FIGN: variants seen among roughly 807,000 people sequenced by gnomAD.
The protein encoded by FIGN is fidgetin, microtubule severing factor.
In FIGN, 11 loss-of-function variants were observed where a neutral mutation model predicts 51.3. The observed-to-expected ratio is 0.21, with a 90% CI of 0.13 to 0.35. FIGN has a LOEUF of 0.35. Among genes scored for constraint, FIGN ranks in the 10% least tolerant of loss-of-function variants. The pLI is 1.00. For missense variants in FIGN, 857 were observed against 943.6 expected, an observed-to-expected ratio of 0.91 and a Z score of 1.20; for synonymous variants, 407 against 363.2, an observed-to-expected ratio of 1.12 and a Z score of -1.37.
chr2:163,617,148 C>T (rs1682891872), intron 2 of FIGN: 1 of 985,086 alleles, frequency 1.0e-6, no homozygotes, highest in Admixed American at 6.2e-5. Flanking sequence ...AGCCCATTCC[C>T]CGATCATTCT....
intron 2 of FIGN, among the ~76,000 whole-genome samples, chr2:163,662,752 T>C (rs539264417): frequency 6.6e-6 from 1 of 152,230 alleles, no homozygotes; most frequent in African/African-American, 2.4e-5. Context: ...TCTCCCAGAA[T>C]TCCCCCTGTT....
intron 2 of FIGN, among the ~76,000 whole-genome samples, chr2:163,701,993 TG>T (rs1197767830): frequency 6.6e-6 from 1 of 152,154 alleles, no homozygotes; most frequent in Non-Finnish European, 1.5e-5. Flanking sequence ...CCATCAGTGC[TG>T]GGAAAGTAGC....
chr2:163,646,358 T>C (rs1234113704), intron 2 of FIGN, among the ~76,000 whole-genome samples: 1 of 152,124 alleles, frequency 6.6e-6, no homozygotes, highest in Non-Finnish European at 1.5e-5. Flanking sequence ...AAACAGAGAC[T>C]CTAAACTATA....
chr2:163,730,740 A>G (rs180981941), intron 2 of FIGN, among the ~76,000 whole-genome samples: 7 of 152,292 alleles, frequency 4.6e-5, no homozygotes, highest in Admixed American at 6.5e-5. Context: ...CTCAAGAAAA[A>G]CAGCAGATAT....
intron 2 of FIGN, among the ~76,000 whole-genome samples, chr2:163,727,960 AT>A (rs1234705306): frequency 6.6e-6 from 1 of 152,194 alleles, no homozygotes. Flanking sequence ...TATGACTCTA[AT>A]TTTCAGGGAG....
At chr2:163,631,946 G>A (rs906556982) in intron 2 of FIGN, among the ~76,000 whole-genome samples, 2 of 152,076 alleles carry the variant, frequency 1.3e-5, no homozygotes, top group Admixed American at 1.3e-4. Context: ...TCAGGTGTTC[G>A]AGACCAGCCT....
chr2:163,660,187 A>G lies in FIGN; in HGVS notation c.26-48381T>C, dbSNP rs1683628757. 3.9e-5 allele frequency among the ~76,000 whole-genome samples: 6 copies of G among 151,972 alleles called. No homozygotes were observed. The South Asian group carries it at 1.2e-3, about 32-fold the overall frequency. On this transcript the variant is annotated intron_variant, in intron 2 of 2. Transcript: ENST00000333129. ...TGATCTTATTGAATAAAAGAAATCA[A>G]CTCCCTCTTAAGAGATTTGTTATTC... is the stretch of plus-strand genomic sequence containing the variant.
rs1470279752 is a variant in FIGN, at chr2:163,609,218, A to C, written c.*334T>G. 8.3e-6 allele frequency: 2 copies of C among 241,446 alleles called. No homozygotes were observed. Among genetic ancestry groups the C allele is most frequent in the Non-Finnish European group, 8.0e-6 (1 of 125,198 alleles). 15.0% of individuals were successfully genotyped at this position (241,446 alleles called of 1,614,324 possible). A position where few individuals can be genotyped will look rare whatever the true frequency, so the allele number is the denominator to read the frequency against. Reference sequence around the variant, plus strand: ...ACTCCAGGCACTTGACAGCAACTAAATCTCGAGAACAGCAGAATGGAATCA... The same window carrying C: ...ACTCCAGGCACTTGACAGCAACTAACTCTCGAGAACAGCAGAATGGAATCA... On this transcript the variant is annotated 3_prime_UTR_variant, in exon 3 of 3. Transcript: ENST00000333129.
chr2:163,620,851 T>TTGTGTGTGTGTGTGTGTG (rs71015594), intron 2 of FIGN, among the ~76,000 whole-genome samples: 1 of 147,486 alleles, frequency 6.8e-6, no homozygotes, highest in Non-Finnish European at 1.5e-5. Context: ...GTGTAAATAT[T>TTGTGTGTGTGTGTGTGTG]TGTGTGTGTG....
intron 2 of FIGN, among the ~76,000 whole-genome samples, chr2:163,662,287 G>C (rs1683701465): frequency 6.6e-6 from 1 of 152,188 alleles, no homozygotes; most frequent in African/African-American, 2.4e-5. Flanking sequence ...TTTTGAACTT[G>C]AGAGATGATT....
At chr2:163,616,976 G>T in intron 2 of FIGN, 1 of 431,200 alleles carries the variant, frequency 2.3e-6, no homozygotes, top group Non-Finnish European at 3.1e-6. Context: ...AACTGGCCCT[G>T]TGCAATATCT....
chr2:163,669,819 C>A (rs562840570), intron 2 of FIGN, among the ~76,000 whole-genome samples: 1 of 152,182 alleles, frequency 6.6e-6, no homozygotes, highest in East Asian at 1.9e-4. Flanking sequence ...CAATAAAATT[C>A]TTTATTCTCT....
intron 2 of FIGN, among the ~76,000 whole-genome samples, chr2:163,621,941 C>T (rs1470618592): frequency 6.6e-6 from 1 of 152,076 alleles, no homozygotes. Flanking sequence ...GATCCCATCT[C>T]TGCACAATTT....
chr2:163,719,378 A>T (rs1287719243), intron 2 of FIGN, among the ~76,000 whole-genome samples: 1 of 152,156 alleles, frequency 6.6e-6, no homozygotes, highest in Admixed American at 6.5e-5. Context: ...CACATAAGCA[A>T]TACATACACA....
intron 2 of FIGN, among the ~76,000 whole-genome samples, chr2:163,632,346 C>G (rs963115864): frequency 2.0e-5 from 3 of 152,180 alleles, no homozygotes; most frequent in Non-Finnish European, 4.4e-5. Flanking sequence ...ATGGGAGAGG[C>G]TAACCTATTG....
At chr2:163,686,431 C>A (rs776951603) in intron 2 of FIGN, among the ~76,000 whole-genome samples, 2 of 152,106 alleles carry the variant, frequency 1.3e-5, no homozygotes, top group Admixed American at 1.3e-4. Flanking sequence ...AAAAACTCTT[C>A]AAGTACAATC....
chr2:163,686,184 A>G (rs2105342182), intron 2 of FIGN, among the ~76,000 whole-genome samples: 1 of 152,316 alleles, frequency 6.6e-6, no homozygotes, highest in East Asian at 1.9e-4. Context: ...GATTGCTACA[A>G]TTAGAAAAAG....
intron 2 of FIGN, among the ~76,000 whole-genome samples, chr2:163,718,689 T>C (rs1425084725): frequency 6.6e-6 from 1 of 152,198 alleles, no homozygotes; most frequent in Non-Finnish European, 1.5e-5. Flanking sequence ...GAACTCAATA[T>C]ACTGCCCATT....
At chr2:163,619,424 T>G (rs1682932057) in intron 2 of FIGN, among the ~76,000 whole-genome samples, 1 of 152,158 alleles carries the variant, frequency 6.6e-6, no homozygotes, top group Non-Finnish European at 1.5e-5. Context: ...ATGGTATTAA[T>G]ATATACTCTG....
Sources: allele counts gnomAD v4.1 joint callset (sites outside exome capture counted in the v4.1 genomes callset), GRCh38; gene constraint gnomAD v4.1.1; transcripts MANE v1.5; gene names NCBI Gene and HGNC (gene_info 2026-07-23, HGNC 2026-07-21).